Variants in UBE2E2 observed in about 807,000 individuals in gnomAD.
The protein encoded by UBE2E2 is ubiquitin-conjugating enzyme E2 E2.
A neutral mutation model predicts 24.7 loss-of-function variants in UBE2E2; 6 were observed. The observed-to-expected ratio is 0.24, with a 90% CI of 0.13 to 0.48. The LOEUF is 0.48. UBE2E2 is among the 20% of genes least tolerant of loss of function. UBE2E2 has a pLI of 0.99. For missense variants in UBE2E2, 169 were observed against 245.0 expected, an observed-to-expected ratio of 0.69 and a Z score of 2.07; for synonymous variants, 104 against 83.6, an observed-to-expected ratio of 1.24 and a Z score of -1.33.
chr3:23,301,834 A>C (rs932511294), intron 3 of UBE2E2, among the ~76,000 whole-genome samples: 1 of 141,194 alleles, frequency 7.1e-6, no homozygotes, highest in African/African-American at 3.2e-5. Flanking sequence ...AGAAATCACC[A>C]GTCTTCTGCG....
intron 3 of UBE2E2, among the ~76,000 whole-genome samples, chr3:23,267,129 G>C (rs62255301): frequency 1.3e-5 from 2 of 151,306 alleles, no homozygotes; most frequent in Middle Eastern, 3.4e-3. Context: ...ACACCCTAAC[G>C]TCACAATTAA....
chr3:23,467,518 T>G (rs896445741), intron 3 of UBE2E2, among the ~76,000 whole-genome samples: 1 of 152,208 alleles, frequency 6.6e-6, no homozygotes, highest in Non-Finnish European at 1.5e-5. Flanking sequence ...AACATGGGCC[T>G]AACAATCCTT....
intron 3 of UBE2E2, among the ~76,000 whole-genome samples, chr3:23,350,150 C>G (rs1203912929): frequency 1.3e-5 from 2 of 152,226 alleles, no homozygotes; most frequent in East Asian, 3.9e-4. Flanking sequence ...CTCTAGCAAA[C>G]TCCAACAGAC....
chr3:23,333,719 TAGTA>T (rs1411842744), intron 3 of UBE2E2, among the ~76,000 whole-genome samples: 1 of 152,202 alleles, frequency 6.6e-6, no homozygotes, highest in African/African-American at 2.4e-5. Context: ...TAGTATCTCG[TAGTA>T]GTTCGCAGTG....
chr3:23,258,786 G>T (rs906608677), intron 3 of UBE2E2, among the ~76,000 whole-genome samples: 1 of 151,330 alleles, frequency 6.6e-6, no homozygotes, highest in South Asian at 2.1e-4. Context: ...CCAGCTACTC[G>T]GGAGGCTGAG....
intron 3 of UBE2E2, among the ~76,000 whole-genome samples, chr3:23,265,422 G>A (rs1292655622): frequency 6.6e-6 from 1 of 152,134 alleles, no homozygotes; most frequent in African/African-American, 2.4e-5. Flanking sequence ...AACCAGACTG[G>A]AGAGGTGACT....
chr3:23,516,782 G>A (rs1432975556), intron 4 of UBE2E2, among the ~76,000 whole-genome samples: 3 of 152,012 alleles, frequency 2.0e-5, no homozygotes, highest in Non-Finnish European at 4.4e-5. Flanking sequence ...CAGGTTTTTA[G>A]TACATACCTG....
At chr3:23,298,157 A>T (rs1480828359) in intron 3 of UBE2E2, among the ~76,000 whole-genome samples, 1 of 152,180 alleles carries the variant, frequency 6.6e-6, no homozygotes, top group African/African-American at 2.4e-5. Context: ...GACTTTGCTG[A>T]AGTTGCTTAT....
At chr3:23,330,685 T>G (rs1695035595) in intron 3 of UBE2E2, among the ~76,000 whole-genome samples, 1 of 152,104 alleles carries the variant, frequency 6.6e-6, no homozygotes, top group African/African-American at 2.4e-5. Context: ...CTAGAAAAAA[T>G]GTGGGATGAA....
chr3:23,550,254 A>G (rs1381243206), intron 5 of UBE2E2, among the ~76,000 whole-genome samples: 1 of 152,122 alleles, frequency 6.6e-6, no homozygotes. Context: ...TCTGTCATCT[A>G]TAAAATGAAT....
intron 3 of UBE2E2, among the ~76,000 whole-genome samples, chr3:23,467,609 A>G (rs1420737563): frequency 6.6e-6 from 1 of 152,156 alleles, no homozygotes; most frequent in Non-Finnish European, 1.5e-5. Flanking sequence ...AATGGATGGT[A>G]GCTCTTAGTT....
chr3:23,569,092 G>T (rs1696161680), intron 5 of UBE2E2, among the ~76,000 whole-genome samples: 1 of 152,120 alleles, frequency 6.6e-6, no homozygotes, highest in Non-Finnish European at 1.5e-5. Flanking sequence ...ATGTCCATCA[G>T]TTGATAAATG....
intron 3 of UBE2E2, among the ~76,000 whole-genome samples, chr3:23,484,512 C>T (rs746076167): frequency 3.9e-5 from 6 of 152,118 alleles, no homozygotes; most frequent in East Asian, 1.9e-4. Flanking sequence ...ATACGTCTTA[C>T]CTTCTCTCTT....
intron 3 of UBE2E2, among the ~76,000 whole-genome samples, chr3:23,297,866 A>G (rs1222948562): frequency 6.6e-6 from 1 of 152,032 alleles, no homozygotes; most frequent in Non-Finnish European, 1.5e-5. Flanking sequence ...GAATCTATAA[A>G]TTACCTTGGG....
intron 3 of UBE2E2, among the ~76,000 whole-genome samples, chr3:23,366,090 A>T (rs1464875700): frequency 6.6e-6 from 1 of 152,134 alleles, no homozygotes; most frequent in Non-Finnish European, 1.5e-5. Context: ...CCATTAGAGA[A>T]ATGCAAATCA....
intron 3 of UBE2E2, among the ~76,000 whole-genome samples, chr3:23,297,845 G>C (rs2125256914): frequency 6.6e-6 from 1 of 152,178 alleles, no homozygotes; most frequent in South Asian, 2.1e-4. Flanking sequence ...TAGCTTGATG[G>C]GGATGGCATT....
At chr3:23,239,555 C>T (rs1312627275) in intron 3 of UBE2E2, among the ~76,000 whole-genome samples, 1 of 151,972 alleles carries the variant, frequency 6.6e-6, no homozygotes, top group African/African-American at 2.4e-5. Flanking sequence ...TATCTGGTGT[C>T]TTTCACTTAA....
chr3:23,507,586 G>T (rs902850218), intron 4 of UBE2E2, among the ~76,000 whole-genome samples: 54 of 152,190 alleles, frequency 3.5e-4, no homozygotes, highest in African/African-American at 1.3e-3. Flanking sequence ...AGGTTAAGCT[G>T]CGCACAGGCC....
At chr3:23,220,790 A>G (rs956332869) in intron 3 of UBE2E2, among the ~76,000 whole-genome samples, 2 of 152,198 alleles carry the variant, frequency 1.3e-5, no homozygotes, top group African/African-American at 4.8e-5. Context: ...TAACAGGTAG[A>G]TTCACTGCCC....
Sources: allele counts gnomAD v4.1 joint callset (sites outside exome capture counted in the v4.1 genomes callset), GRCh38; gene constraint gnomAD v4.1.1; transcripts MANE v1.5; gene names NCBI Gene and HGNC (gene_info 2026-07-23, HGNC 2026-07-21).